The following TMEM131 variants were observed in gnomAD, a reference collection of about 807,000 sequenced individuals.
The protein encoded by TMEM131 is 2610524E03Rik.
In TMEM131, 66 loss-of-function variants were observed where a neutral mutation model predicts 211.6. The observed-to-expected ratio is 0.31, with a 90% confidence interval of 0.26 to 0.38. The LOEUF (loss-of-function observed/expected upper bound fraction) is 0.38, where lower values mean the gene tolerates loss of function less well. TMEM131 is among the 10% of genes least tolerant of loss of function. TMEM131 has a pLI of 1.00. For missense variants in TMEM131, 2,036 were observed against 2,299.3 expected, an observed-to-expected ratio of 0.89 and a Z score of 2.34; for synonymous variants, 844 against 841.3, an observed-to-expected ratio of 1.00 and a Z score of -0.06.
chr2:97,932,944 A>G (rs1250515285), intron 1 of TMEM131, among the ~76,000 whole-genome samples: 1 of 151,818 alleles, frequency 6.6e-6, no homozygotes, highest in African/African-American at 2.4e-5. Flanking sequence ...ATAAGATTAT[A>G]ATACTGTATT....
chr2:97,851,569 A>AT (rs1440310197), intron 5 of TMEM131, among the ~76,000 whole-genome samples: 2 of 152,106 alleles, frequency 1.3e-5, no homozygotes, highest in Admixed American at 6.5e-5. Flanking sequence ...TATCAGTGTC[A>AT]TTTTTCCAAC....
intron 4 of TMEM131, among the ~76,000 whole-genome samples, chr2:97,880,071 G>T (rs1674860607): frequency 6.6e-6 from 1 of 151,918 alleles, no homozygotes; most frequent in African/African-American, 2.4e-5. Flanking sequence ...AATAATCCCT[G>T]AGTTTATGTT....
intron 28 of TMEM131, among the ~76,000 whole-genome samples, chr2:97,795,962 G>A (rs913066348): frequency 1.3e-5 from 2 of 152,080 alleles, no homozygotes; most frequent in Admixed American, 6.5e-5. Context: ...AAGATTATCT[G>A]ATCCACTTCG....
At chr2:97,842,820 T>G (rs1683259258) in intron 6 of TMEM131, among the ~76,000 whole-genome samples, 1 of 152,194 alleles carries the variant, frequency 6.6e-6, no homozygotes, top group African/African-American at 2.4e-5. Flanking sequence ...GCAATGACCT[T>G]CATTTTTATG....
chr2:97,963,852 A>G (rs1387010322), intron 1 of TMEM131, among the ~76,000 whole-genome samples: 1 of 152,196 alleles, frequency 6.6e-6, no homozygotes, highest in Admixed American at 6.5e-5. Flanking sequence ...CATATTTTTA[A>G]AAGTTTTTCT....
intron 1 of TMEM131, among the ~76,000 whole-genome samples, chr2:97,969,495 T>C (rs1477585283): frequency 2.0e-5 from 3 of 152,234 alleles, no homozygotes; most frequent in Non-Finnish European, 4.4e-5. Flanking sequence ...TTTTCCAAAA[T>C]ATTTCCTTTT....
chr2:97,938,020 G>C (rs1677527362), intron 1 of TMEM131, among the ~76,000 whole-genome samples: 1 of 152,152 alleles, frequency 6.6e-6, no homozygotes. Context: ...AAGAGCTCCT[G>C]AAAGAAGCAC....
At chr2:97,933,400 C>CA (rs1677312681) in intron 1 of TMEM131, among the ~76,000 whole-genome samples, 1 of 152,088 alleles carries the variant, frequency 6.6e-6, no homozygotes, top group African/African-American at 2.4e-5. Flanking sequence ...CTTCTACTCA[C>CA]ATGAAAAATG....
chr2:97,890,491 G>C (rs1014076220), intron 3 of TMEM131, among the ~76,000 whole-genome samples: 1 of 152,180 alleles, frequency 6.6e-6, no homozygotes, highest in Non-Finnish European at 1.5e-5. Context: ...TGGGAGGAGT[G>C]GGTTGGAAGT....
chr2:97,915,421 A>G (rs1676470772), intron 2 of TMEM131, among the ~76,000 whole-genome samples: 1 of 152,112 alleles, frequency 6.6e-6, no homozygotes, highest in African/African-American at 2.4e-5. Flanking sequence ...CCCAGGCTCA[A>G]AAGATTCTCT....
intron 11 of TMEM131, among the ~76,000 whole-genome samples, chr2:97,823,257 G>A (rs1015154051): frequency 1.3e-5 from 2 of 151,942 alleles, no homozygotes; most frequent in Non-Finnish European, 1.5e-5. Context: ...AAAACTCCCC[G>A]GGCTATCGGT....
chr2:97,814,238 A>C lies in TMEM131; in HGVS notation c.1443T>G (p.Phe481Leu). ...VLLPEEAKTM[F>L]KVHNFSKPVL... ...GTATGAGGGCTCCTGGACATACTTT[A>C]AACATTGTTTTGGCTTCTTCTGGTA... is the stretch of plus-strand genomic sequence containing the variant. Residue 481 changes from phenylalanine to leucine, a missense_variant, in exon 14 of 41, where the codon TTT (phenylalanine) becomes TTG (leucine). Phe to Leu is a conservative substitution (Grantham distance 22). Coordinates refer to ENST00000186436, the MANE Select transcript of TMEM131 (RefSeq NM_015348.2). The C allele has an allele frequency of 6.2e-7, 1 of 1,613,650 alleles. No individual in the cohort carries two copies. The highest frequency in any genetic ancestry group is 8.5e-7 in the Non-Finnish European group (1 of 1,179,712).
chr2:97,759,644 A>G lies in TMEM131; in HGVS notation c.5206+8T>C. The G allele has an allele frequency of 6.2e-6, 10 of 1,607,444 alleles. No individual in the cohort carries two copies. Among genetic ancestry groups the G allele is most frequent in the Non-Finnish European group, 7.7e-6 (9 of 1,175,092 alleles). On this transcript the variant is annotated splice_region_variant and intron_variant, in intron 39 of 40. Coordinates refer to ENST00000186436, the MANE Select transcript of TMEM131 (RefSeq NM_015348.2). ...TTATTAGTTACACATCTAGTGTTAA[A>G]CACTCACCACCAGTTAGATTAAAAG...
chr2:97,913,561 A>G (rs151319940), intron 2 of TMEM131, among the ~76,000 whole-genome samples: 10 of 152,228 alleles, frequency 6.6e-5, no homozygotes, highest in African/African-American at 2.4e-4. Context: ...ACAGAACTGC[A>G]TATGCCTAAA....
chr2:97,988,027 T>A (rs1009097688), intron 1 of TMEM131, among the ~76,000 whole-genome samples: 1 of 152,206 alleles, frequency 6.6e-6, no homozygotes, highest in Non-Finnish European at 1.5e-5. Context: ...AGAAGACAGT[T>A]AGAGGTCTCA....
At chr2:97,995,006 G>T (rs1259426959) in intron 1 of TMEM131, among the ~76,000 whole-genome samples, 1 of 152,198 alleles carries the variant, frequency 6.6e-6, no homozygotes, top group Non-Finnish European at 1.5e-5. Flanking sequence ...CACTAAAGGA[G>T]GAAGCTACAG....
chr2:97,785,699 T>C (rs1452371162), intron 31 of TMEM131, among the ~76,000 whole-genome samples: 2 of 152,256 alleles, frequency 1.3e-5, no homozygotes, highest in African/African-American at 4.8e-5. Context: ...TCTGTGTTCA[T>C]ACAAAAACTT....
At chr2:97,827,378 A>G (rs1247988878) in intron 11 of TMEM131, 11 of 971,212 alleles carry the variant, frequency 1.1e-5, no homozygotes, top group African/African-American at 6.4e-5. Context: ...GCGAAGGATA[A>G]ATCTTCAGAC....
intron 39 of TMEM131, 126 bp from the exon 40 acceptor site, chr2:97,759,179 GC>G: frequency 1.7e-6 from 2 of 1,147,438 alleles, no homozygotes; most frequent in Non-Finnish European, 2.5e-6. Context: ...CACTTCACCA[GC>G]CCACCACAGC....
Sources: gnomAD v4.1 joint callset for allele counts (sites outside exome capture counted in the v4.1 genomes callset) on GRCh38, gnomAD v4.1.1 for gene constraint, MANE v1.5 for transcripts, NCBI Gene and HGNC (gene_info 2026-07-23, HGNC 2026-07-21) for gene names.